Variants in BMPR1A observed in about 807,000 individuals in gnomAD.
The protein encoded by BMPR1A is bone morphogenetic protein receptor type 1A, also known as bone morphogenetic protein receptor type-1A.
A neutral mutation model predicts 66.0 loss-of-function variants in BMPR1A; 7 were observed. The ratio of observed to expected loss-of-function variants is 0.11; its 90% CI spans 0.06 to 0.20. The LOEUF (loss-of-function observed/expected upper bound fraction) is 0.20. Ranked by LOEUF, BMPR1A falls within the 10% of genes least tolerant of loss-of-function variation. BMPR1A has a pLI of 1.00. For synonymous variants in BMPR1A, 200 were observed against 229.7 expected, an observed-to-expected ratio of 0.87 and a Z score of 1.17; for missense variants, 408 against 669.1, an observed-to-expected ratio of 0.61 and a Z score of 4.31.
rs10559113 is a variant in BMPR1A, at chr10:86,925,295, TTTTA to T, written c.*1580_*1583del. 0.17 allele frequency: 37,294 copies of T among 222,270 alleles called. 5,457 individuals carry two copies. The highest frequency in any genetic ancestry group is 0.67 in the East Asian group (9,914 of 14,776). The allele number at this position is 222,270 out of a possible 1,614,324, so 13.8% of individuals were successfully genotyped here. A position where few individuals can be genotyped will look rare whatever the true frequency, so the allele number is the denominator to read the frequency against. On this transcript the variant is annotated 3_prime_UTR_variant, in exon 13 of 13. Coordinates refer to ENST00000372037, the MANE Select transcript of BMPR1A (RefSeq NM_004329.3). ...TTCATGAGTACATCAAGTGAGATAGTTTTATTTGATTATAACATAAAATAAATGT... is the reference window on the plus strand; with the variant it reads ...TTCATGAGTACATCAAGTGAGATAGTTTTGATTATAACATAAAATAAATGT...
chr10:86,916,276 C>T (rs146624476), intron 8 of BMPR1A, among the ~76,000 whole-genome samples: 5 of 152,292 alleles, frequency 3.3e-5, no homozygotes, highest in African/African-American at 1.2e-4. Context: ...TTGGACTTTG[C>T]TGCATAATAA....
chr10:86,807,750 G>GAT (rs1290590057), intron 1 of BMPR1A, among the ~76,000 whole-genome samples: 2 of 151,906 alleles, frequency 1.3e-5, no homozygotes, highest in African/African-American at 4.8e-5. Context: ...TCTCTATCAA[G>GAT]ATACTGTTCT....
chr10:86,855,686 G>T, intron 2 of BMPR1A: 1 of 721,560 alleles, frequency 1.4e-6, no homozygotes, highest in Non-Finnish European at 2.5e-6. Context: ...TAACTGCTCA[G>T]TGACATCCAC....
intron 1 of BMPR1A, among the ~76,000 whole-genome samples, chr10:86,821,352 A>G (rs1842117624): frequency 6.6e-6 from 1 of 152,248 alleles, no homozygotes; most frequent in Non-Finnish European, 1.5e-5. Flanking sequence ...CACTTAATAA[A>G]CATCAGCTGT....
intron 1 of BMPR1A, among the ~76,000 whole-genome samples, chr10:86,770,537 T>G (rs1327249768): frequency 6.6e-6 from 1 of 152,190 alleles, no homozygotes; most frequent in Non-Finnish European, 1.5e-5. Flanking sequence ...ATCATTTGTC[T>G]GCTTGTGATA....
intron 1 of BMPR1A, among the ~76,000 whole-genome samples, chr10:86,790,116 ACTGC>A: frequency 1.4e-5 from 1 of 70,998 alleles, no homozygotes; most frequent in African/African-American, 3.4e-5. Context: ...AGATCTTGCC[ACTGC>A]CACTGCACTC....
In BMPR1A at chr10:86,890,069, T is replaced by G; in HGVS notation, c.75T>G (p.Asn25Lys). Residue 25 changes from asparagine (N) to lysine (K), a missense_variant, in exon 4 of 13, where the codon AAT (asparagine) becomes AAG (lysine). Coordinates refer to ENST00000372037, the MANE Select transcript of BMPR1A (RefSeq NM_004329.3). The stretch of plus-strand genomic sequence containing the variant: ...TTCCATATTTGAATGCAGGACAGAA[T>G]CTGGATAGTATGCTTCATGGCACTG... ...LFIISRVQGQNLDSMLHGTGM... is the reference protein window; with the variant it reads ...LFIISRVQGQKLDSMLHGTGM... 6.2e-7 allele frequency: 1 copy of G among 1,612,916 alleles called. No individual in the cohort carries two copies. Among genetic ancestry groups the G allele is most frequent in the South Asian group, 1.1e-5 (1 of 91,028 alleles).
At chr10:86,793,368 T>G (rs1841659117) in intron 1 of BMPR1A, among the ~76,000 whole-genome samples, 1 of 150,764 alleles carries the variant, frequency 6.6e-6, no homozygotes, top group Non-Finnish European at 1.5e-5. Context: ...ACTGACAGTT[T>G]TTTTTTTTTT....
At chr10:86,778,375 C>G (rs1841385770) in intron 1 of BMPR1A, among the ~76,000 whole-genome samples, 1 of 151,926 alleles carries the variant, frequency 6.6e-6, no homozygotes, top group East Asian at 1.9e-4. Context: ...AACTCCTGAG[C>G]TCAAGCAGTC....
intron 3 of BMPR1A, among the ~76,000 whole-genome samples, chr10:86,882,248 C>A (rs924447660): frequency 6.6e-6 from 1 of 151,870 alleles, no homozygotes; most frequent in Non-Finnish European, 1.5e-5. Context: ...CATGGTGAAA[C>A]CCTGTCTCTA....
intron 1 of BMPR1A, among the ~76,000 whole-genome samples, chr10:86,787,640 A>G (rs1436673842): frequency 6.6e-6 from 1 of 152,234 alleles, no homozygotes; most frequent in African/African-American, 2.4e-5. Context: ...TCACATTGAT[A>G]CAAAGAAATA....
At chr10:86,932,345 C>A (rs1843819932), downstream of BMPR1A, 3 of 152,142 alleles carry the variant, frequency 2.0e-5, no homozygotes, top group African/African-American at 7.2e-5. Flanking sequence ...ATCTATAGAC[C>A]TTACTGAAGT....
chr10:86,756,595 C>T (rs1847866095), upstream of BMPR1A: 1 of 151,098 alleles, frequency 6.6e-6, no homozygotes, highest in African/African-American at 2.4e-5. Context: ...CCCCCGCACC[C>T]GCGCCGCCCC....
chr10:86,788,562 CT>C (rs1234589084), intron 1 of BMPR1A, among the ~76,000 whole-genome samples: 5 of 152,156 alleles, frequency 3.3e-5, no homozygotes, highest in Non-Finnish European at 7.4e-5. Flanking sequence ...TTAAATGTCT[CT>C]TTTTTGAAGC....
In BMPR1A at chr10:86,879,121, G is replaced by A. The variant is rs898772289; in HGVS notation, c.67+3036G>A. Among the ~76,000 whole-genome samples, 4 of 152,228 alleles carry A rather than the reference G, an allele frequency of 2.6e-5. No individual in the cohort carries two copies. The East Asian group carries it at 5.8e-4, about 22-fold the overall frequency. ...TGTAGTTGGTTATGTGGCTCATCAA[G>A]ACCCAAGTTCTTTGTCTTTTCAACT... is the stretch of plus-strand genomic sequence containing the variant. On this transcript the variant is annotated intron_variant, in intron 3 of 12. Transcript: ENST00000372037.
At chr10:86,874,209 A>G (rs537256408) in intron 2 of BMPR1A, among the ~76,000 whole-genome samples, 63 of 152,240 alleles carry the variant, frequency 4.1e-4, no homozygotes, top group Admixed American at 5.9e-4. Flanking sequence ...TTCCCCCGTT[A>G]TTTATTTAAC....
At chr10:86,820,896 A>C (rs1178216264) in intron 1 of BMPR1A, among the ~76,000 whole-genome samples, 8 of 137,196 alleles carry the variant, frequency 5.8e-5, no homozygotes, top group African/African-American at 2.0e-4. Flanking sequence ...TATTTTTTTA[A>C]AGAAGGTCAT....
chr10:86,917,360 T>C (rs777390807), intron 9 of BMPR1A, 34 bp downstream of exon 9: 3 of 1,612,176 alleles, frequency 1.9e-6, no homozygotes, highest in Non-Finnish European at 2.5e-6. Flanking sequence ...ATTTCATTTT[T>C]GACAAGGCTA....
chr10:86,801,725 T>C (rs1841814070), intron 1 of BMPR1A, among the ~76,000 whole-genome samples: 1 of 151,766 alleles, frequency 6.6e-6, no homozygotes, highest in South Asian at 2.1e-4. Flanking sequence ...CTTATTCTTT[T>C]TTTTGTGAGA....
Sources: gnomAD v4.1 joint callset for allele counts (sites outside exome capture counted in the v4.1 genomes callset) on GRCh38, gnomAD v4.1.1 for gene constraint, MANE v1.5 for transcripts, NCBI Gene and HGNC (gene_info 2026-07-23, HGNC 2026-07-21) for gene names.